Variants in PCGF6 observed in about 807,000 individuals in gnomAD.
PCGF6 encodes polycomb group RING finger protein 6.
PCGF6 carries 24 observed loss-of-function variants against 45.5 expected under a neutral mutation model. The ratio of observed to expected loss-of-function variants is 0.53; its 90% confidence interval spans 0.38 to 0.74. The LOEUF (loss-of-function observed/expected upper bound fraction) is 0.74. Ranked by LOEUF, PCGF6 falls within the 30% of genes least tolerant of loss-of-function variation. PCGF6 has a pLI of 0.00. For synonymous variants in PCGF6, 152 were observed against 162.1 expected (o/e 0.94, Z 0.47); for missense variants, 356 against 443.2 (o/e 0.80, Z 1.77).
intron 8 of PCGF6, among the ~76,000 whole-genome samples, chr10:103,316,488 T>C (rs113185487): frequency 6.8e-4 from 104 of 152,322 alleles, no homozygotes; most frequent in African/African-American, 2.4e-3. Context: ...AATTCTGATT[T>C]TACAGATAGG....
At chr10:103,337,640 T>C (rs909321962) in intron 6 of PCGF6, among the ~76,000 whole-genome samples, 6 of 152,140 alleles carry the variant, frequency 3.9e-5, no homozygotes, top group African/African-American at 1.4e-4. Flanking sequence ...TATCTTAAGA[T>C]CATAAAGCTG....
chr10:103,319,278 T>A (rs1458107705), intron 8 of PCGF6, among the ~76,000 whole-genome samples: 1 of 152,060 alleles, frequency 6.6e-6, no homozygotes, highest in Non-Finnish European at 1.5e-5. Flanking sequence ...GCCTCCTGAG[T>A]AGCTGAGACT....
At chr10:103,347,589 TC>T in intron 3 of PCGF6, 139 bp from the exon 4 acceptor site, 2 of 656,098 alleles carry the variant, frequency 3.0e-6, no homozygotes, top group Non-Finnish European at 5.3e-6. Flanking sequence ...CATTTACAGT[TC>T]CTAAAATATA....
At chr10:103,329,830 G>A (rs2093233416) in intron 7 of PCGF6, among the ~76,000 whole-genome samples, 1 of 150,618 alleles carries the variant, frequency 6.6e-6, no homozygotes, top group Non-Finnish European at 1.5e-5. Context: ...CTGGGCTGCA[G>A]TGCAGTGGCA....
intron 9 of PCGF6, among the ~76,000 whole-genome samples, chr10:103,309,120 T>A (rs900682653): frequency 1.3e-5 from 2 of 151,426 alleles, no homozygotes; most frequent in African/African-American, 4.9e-5. Context: ...GAGTTAATGC[T>A]GAAAATGAGT....
intron 6 of PCGF6, among the ~76,000 whole-genome samples, chr10:103,338,405 C>A (rs757557365): frequency 6.6e-6 from 1 of 151,504 alleles, no homozygotes; most frequent in East Asian, 1.9e-4. Context: ...ATTAGCCGGG[C>A]GTGGTGGCAG....
chr10:103,341,456 C>T lies in PCGF6; in HGVS notation c.782+3568G>A, dbSNP rs192333151. Among the ~76,000 whole-genome samples, 187 of 149,346 alleles carry T rather than the reference C, an allele frequency of 1.3e-3. 1 individual carries two copies. The highest frequency in any genetic ancestry group is 1.9e-3 in the Non-Finnish European group (130 of 67,174). ...ATTTTTTGTTTGTTTTTGTATTTTT[C>T]GAGACGGAGTTTGGCCCTTGTTGCC... On this transcript the variant is annotated intron_variant, in intron 6 of 9. Transcript: ENST00000369847.
At chr10:103,329,782 GTTGT>G (rs781647133) in intron 7 of PCGF6, among the ~76,000 whole-genome samples, 8 of 133,232 alleles carry the variant, frequency 6.0e-5, no homozygotes, top group East Asian at 2.3e-4. Context: ...CAGTTTTTTT[GTTGT>G]TTGTTTGTTT....
chr10:103,345,288 A>T (rs1238660021), intron 5 of PCGF6, among the ~76,000 whole-genome samples, 156 bp from the exon 6 acceptor site: 2 of 152,188 alleles, frequency 1.3e-5, no homozygotes, highest in Non-Finnish European at 2.9e-5. Context: ...TAATCTGTCA[A>T]AGCCAGTGAA....
chr10:103,326,284 G>A (rs950200887), intron 8 of PCGF6, among the ~76,000 whole-genome samples: 5 of 151,330 alleles, frequency 3.3e-5, no homozygotes, highest in African/African-American at 4.9e-5. Flanking sequence ...AGCTACTCGG[G>A]AGGCTGACGC....
chr10:103,336,664 C>T (rs996852689), intron 6 of PCGF6, among the ~76,000 whole-genome samples: 1 of 152,088 alleles, frequency 6.6e-6, no homozygotes, highest in African/African-American at 2.4e-5. Context: ...CGCTTGAGGT[C>T]AGGAGTTTGA....
At chr10:103,326,660 T>C in intron 7 of PCGF6, 28 bp from the exon 8 acceptor site, 1 of 1,568,902 alleles carries the variant, frequency 6.4e-7, no homozygotes, top group Non-Finnish European at 8.7e-7. Flanking sequence ...TAAAACTATT[T>C]TTAGGTTAAA....
intron 6 of PCGF6, among the ~76,000 whole-genome samples, chr10:103,335,366 AT>A (rs774656906): frequency 3.3e-3 from 453 of 138,024 alleles, no homozygotes; most frequent in East Asian, 0.013. Context: ...CAAAGCACTC[AT>A]TTTTTTTTTT....
intron 9 of PCGF6, among the ~76,000 whole-genome samples, chr10:103,304,378 T>C (rs1425819478): frequency 6.6e-6 from 1 of 152,206 alleles, no homozygotes; most frequent in Non-Finnish European, 1.5e-5. Flanking sequence ...TCTTGCTCTG[T>C]TGCCCAGGCT....
chr10:103,323,925 C>T (rs952699661), intron 8 of PCGF6, among the ~76,000 whole-genome samples: 1 of 151,524 alleles, frequency 6.6e-6, no homozygotes, highest in African/African-American at 2.4e-5. Context: ...ACTAACAATA[C>T]AGTATTTTAT....
At chr10:103,332,704 T>C (rs2093244358) in intron 7 of PCGF6, among the ~76,000 whole-genome samples, 1 of 152,284 alleles carries the variant, frequency 6.6e-6, no homozygotes, top group East Asian at 1.9e-4. Context: ...GCTTAAACCA[T>C]ACAAAAACGT....
chr10:103,338,846 CAAG>C (rs1366115847), intron 6 of PCGF6, among the ~76,000 whole-genome samples: 2 of 151,794 alleles, frequency 1.3e-5, no homozygotes, highest in Middle Eastern at 3.4e-3. Flanking sequence ...CCAGCCTGGA[CAAG>C]AAGAGTGAAA....
intron 6 of PCGF6, among the ~76,000 whole-genome samples, chr10:103,339,099 C>A (rs1462859961): frequency 6.6e-6 from 1 of 151,794 alleles, no homozygotes; most frequent in African/African-American, 2.4e-5. Context: ...CTAACTTTTG[C>A]GGTAACATAA....
At chr10:103,336,558 T>C (rs1484595241) in intron 6 of PCGF6, among the ~76,000 whole-genome samples, 1 of 152,172 alleles carries the variant, frequency 6.6e-6, no homozygotes, top group Non-Finnish European at 1.5e-5. Context: ...AGCAGTTTCA[T>C]TTGTGGGTGA....
Sources: allele counts gnomAD v4.1 joint callset (sites outside exome capture counted in the v4.1 genomes callset), GRCh38; gene constraint gnomAD v4.1.1; transcripts MANE v1.5; gene names NCBI Gene and HGNC (gene_info 2026-07-23, HGNC 2026-07-21).